The following SH3RF1 variants were observed in gnomAD, a reference collection of about 807,000 sequenced individuals.
The protein encoded by SH3RF1 is E3 ubiquitin-protein ligase SH3RF1.
A neutral mutation model predicts 74.0 loss-of-function variants in SH3RF1; 32 were observed. The ratio of observed to expected loss-of-function variants is 0.43; its 90% CI spans 0.33 to 0.58. SH3RF1 has a LOEUF of 0.58. SH3RF1 is among the 20% of genes least tolerant of loss of function. SH3RF1 has a pLI of 0.05. For synonymous variants in SH3RF1, 396 were observed against 439.6 expected, an observed-to-expected ratio of 0.90 and a Z score of 1.24; for missense variants, 954 against 1,130.9, an observed-to-expected ratio of 0.84 and a Z score of 2.24.
intron 2 of SH3RF1, among the ~76,000 whole-genome samples, chr4:169,236,687 C>T (rs1394532262): frequency 6.6e-6 from 1 of 152,100 alleles, no homozygotes; most frequent in Non-Finnish European, 1.5e-5. Context: ...CACTACTGTC[C>T]CCAGAAATTC....
intron 2 of SH3RF1, among the ~76,000 whole-genome samples, chr4:169,237,983 G>A (rs143901764): frequency 6.8e-4 from 103 of 152,012 alleles, no homozygotes; most frequent in African/African-American, 2.3e-3. Flanking sequence ...CTATTAGGTC[G>A]GGTTAGCAAG....
intron 11 of SH3RF1, among the ~76,000 whole-genome samples, chr4:169,102,448 GT>G (rs954564405): frequency 6.6e-6 from 1 of 151,674 alleles, no homozygotes; most frequent in South Asian, 2.1e-4. Flanking sequence ...GTGGTTCTCA[GT>G]TTAATTCCTA....
intron 3 of SH3RF1, among the ~76,000 whole-genome samples, chr4:169,156,026 T>A (rs556279567): frequency 6.6e-6 from 1 of 152,368 alleles, no homozygotes; most frequent in South Asian, 2.1e-4. Flanking sequence ...TATATTCCTG[T>A]ATGCTTTTAG....
At chr4:169,210,102 C>T (rs949075101) in intron 2 of SH3RF1, among the ~76,000 whole-genome samples, 6 of 152,124 alleles carry the variant, frequency 3.9e-5, no homozygotes, top group Admixed American at 1.3e-4. Flanking sequence ...GGACTCTACA[C>T]GCCATTTTAT....
At chr4:169,100,207 T>C (rs1049546549) in intron 11 of SH3RF1, among the ~76,000 whole-genome samples, 1 of 152,138 alleles carries the variant, frequency 6.6e-6, no homozygotes, top group African/African-American at 2.4e-5. Context: ...GTTCTGAACC[T>C]CAGGGGTCAA....
In SH3RF1 at chr4:169,107,183, T is replaced by C; in HGVS notation, c.2162A>G (p.Lys721Arg). The C allele has an allele frequency of 6.4e-7, 1 of 1,555,052 alleles. No individual in the cohort carries two copies. The highest frequency in any genetic ancestry group is 8.7e-7 in the Non-Finnish European group (1 of 1,151,730). Residue 721 changes from lysine (K) to arginine (R), a missense_variant, in exon 11 of 12, where the codon AAG (lysine) becomes AGG (arginine). Physicochemically the swap from Lys to Arg is conservative, Grantham distance 26. This residue lies in a region of SH3RF1 where 854 missense variants were observed against 962.5 expected (regional missense o/e 0.89). Transcript: ENST00000284637. Reference protein sequence around the residue: ...DSKKEKKGLLKLLSGASTKRK... With the variant: ...DSKKEKKGLLRLLSGASTKRK... ...TTTAGTGGAGGCGCCAGAAAGCAAC[T>C]TCAACAAACCCTTTTTTTCTTTCTG...
intron 5 of SH3RF1, among the ~76,000 whole-genome samples, chr4:169,134,068 C>T (rs1219586248): frequency 2.0e-5 from 3 of 152,180 alleles, no homozygotes; most frequent in Non-Finnish European, 4.4e-5. Context: ...CCAATGTACA[C>T]AGTGCCCTAG....
In SH3RF1 at chr4:169,165,639, G is replaced by C. The variant is rs868723692; in HGVS notation, c.394-8960C>G. Among the ~76,000 whole-genome samples, 902 of 125,822 alleles carry C rather than the reference G, an allele frequency of 7.2e-3. 15 individuals carry two copies. The highest frequency in any genetic ancestry group is 0.038 in the African/African-American group (870 of 23,140). The allele number at this position is 125,822 out of a possible 152,430, so 82.5% of individuals were successfully genotyped here. On this transcript the variant is annotated intron_variant, in intron 2 of 11. Coordinates refer to ENST00000284637, the MANE Select transcript of SH3RF1 (RefSeq NM_020870.4). ...ACTCTGTCTCAGAGAAAAAAAGGCG[G>C]GGGGGGGAGTCAGGTAAGGCCTCAG...
At chr4:169,105,549 G>A (rs1396997149) in intron 11 of SH3RF1, among the ~76,000 whole-genome samples, 1 of 152,224 alleles carries the variant, frequency 6.6e-6, no homozygotes, top group African/African-American at 2.4e-5. Context: ...CAGGAGGAGA[G>A]TCAGAACTGA....
intron 4 of SH3RF1, among the ~76,000 whole-genome samples, chr4:169,148,313 C>T (rs1192986712): frequency 6.6e-6 from 1 of 152,096 alleles, no homozygotes; most frequent in African/African-American, 2.4e-5. Context: ...TCCCCCTGAG[C>T]AAGACATTTG....
At chr4:169,163,479 A>G (rs1441835522) in intron 2 of SH3RF1, among the ~76,000 whole-genome samples, 5 of 152,274 alleles carry the variant, frequency 3.3e-5, no homozygotes, top group East Asian at 1.9e-4. Flanking sequence ...GTAAATACCT[A>G]TATTTAGGAG....
chr4:169,262,533 G>A (rs75331427), intron 2 of SH3RF1, among the ~76,000 whole-genome samples: 8 of 152,034 alleles, frequency 5.3e-5, no homozygotes, highest in South Asian at 2.1e-4. Context: ...CAGGCATGGC[G>A]GTAGGCGCCT....
In SH3RF1 at chr4:169,127,014, G is replaced by A. The variant is rs184438731; in HGVS notation, c.1179+3032C>T. Among the ~76,000 whole-genome samples the A allele has an allele frequency of 1.1e-4, 16 of 152,252 alleles. No homozygotes were observed. The East Asian group carries it at 1.9e-3, about 18-fold the overall frequency. ...CACCTCTTGGCTGGTCCAGAGGATCGGGGATTATTCATCACTTGTTTTAAA... is the reference window on the plus strand; with the variant it reads ...CACCTCTTGGCTGGTCCAGAGGATCAGGGATTATTCATCACTTGTTTTAAA... On this transcript the variant is annotated intron_variant, in intron 6 of 11. Coordinates refer to ENST00000284637, the MANE Select transcript of SH3RF1 (RefSeq NM_020870.4).
chr4:169,109,828 A>AGG (rs1478358602), intron 10 of SH3RF1, among the ~76,000 whole-genome samples: 1 of 150,404 alleles, frequency 6.6e-6, no homozygotes, highest in Non-Finnish European at 1.5e-5. Flanking sequence ...TGGGCAACAT[A>AGG]GGGAAACCCT....
At chr4:169,166,590 A>T (rs1353309104) in intron 2 of SH3RF1, 1 of 201,210 alleles carries the variant, frequency 5.0e-6, no homozygotes, top group African/African-American at 2.3e-5. Flanking sequence ...CTAGGTGGTT[A>T]AACTTCACAA....
intron 2 of SH3RF1, among the ~76,000 whole-genome samples, chr4:169,168,038 G>A (rs528698959): frequency 1.3e-5 from 2 of 152,240 alleles, no homozygotes; most frequent in South Asian, 4.1e-4. Flanking sequence ...TACTCAGGAG[G>A]CTAAGGTAGA....
chr4:169,270,589 C>G (rs774292615), intron 1 of SH3RF1, among the ~76,000 whole-genome samples: 4 of 152,200 alleles, frequency 2.6e-5, no homozygotes, highest in Non-Finnish European at 5.9e-5. Flanking sequence ...CCAGAGAGAC[C>G]GCGCCATCCG....
At chr4:169,199,763 C>T (rs1374247064) in intron 2 of SH3RF1, among the ~76,000 whole-genome samples, 2 of 151,656 alleles carry the variant, frequency 1.3e-5, no homozygotes, top group African/African-American at 2.4e-5. Flanking sequence ...AAAGAGAAAG[C>T]GAAATGGATA....
At chr4:169,208,006 T>C (rs1730289788) in intron 2 of SH3RF1, among the ~76,000 whole-genome samples, 2 of 151,952 alleles carry the variant, frequency 1.3e-5, no homozygotes, top group Non-Finnish European at 2.9e-5. Flanking sequence ...CAAAACAAAA[T>C]TGAATGAGCA....
Sources: allele counts gnomAD v4.1 joint callset (sites outside exome capture counted in the v4.1 genomes callset), GRCh38; gene constraint gnomAD v4.1.1; regional missense constraint gnomAD v4.1.1; transcripts MANE v1.5; gene names NCBI Gene and HGNC (gene_info 2026-07-23, HGNC 2026-07-21).